The following CADM3 variants were observed in gnomAD, a reference collection of about 807,000 sequenced individuals.
CADM3 encodes cell adhesion molecule 3, also known as TSLC1-like 1.
A neutral mutation model predicts 44.9 loss-of-function variants in CADM3; 11 were observed. That is an observed-to-expected ratio of 0.25 (90% CI 0.15 to 0.41). The LOEUF is 0.41. Among genes scored for constraint, CADM3 ranks in the 10% least tolerant of loss-of-function variants. CADM3 has a pLI of 1.00. For missense variants in CADM3, 426 were observed against 512.0 expected (o/e 0.83, Z 1.62); for synonymous variants, 207 against 205.2 (o/e 1.01, Z -0.08).
intron 1 of CADM3, among the ~76,000 whole-genome samples, chr1:159,174,897 G>C (rs895631809): frequency 1.3e-5 from 2 of 152,212 alleles, no homozygotes; most frequent in Admixed American, 1.3e-4. Flanking sequence ...CCAGCACTCT[G>C]TGACTTGGCC....
intron 1 of CADM3, among the ~76,000 whole-genome samples, chr1:159,172,359 C>A (rs534183378): frequency 6.6e-6 from 1 of 152,072 alleles, no homozygotes; most frequent in Non-Finnish European, 1.5e-5. Flanking sequence ...CATTTCTGCT[C>A]CCCCGCCCGT....
rs754602198 is a variant in CADM3 at position 159,196,920 on chromosome 1, G to A, written c.812G>A (p.Gly271Asp). The A allele has an allele frequency of 1.9e-6, 3 of 1,614,054 alleles. No individual in the cohort carries two copies. The highest frequency in any genetic ancestry group is 1.7e-4 in the Middle Eastern group (1 of 6,060). The change falls in exon 7 of 9, where the codon GGC becomes GAC. Residue 271 changes from glycine to aspartate, a missense_variant. By Grantham distance (94) the Gly-to-Asp change is moderately conservative. Coordinates refer to ENST00000368125, the MANE Select transcript of CADM3 (RefSeq NM_001127173.3). ...VPQQYLWEKE[G>D]SVPPLKMTQE... is the part of the protein sequence containing the mutation. ...CAGCAGTACCTATGGGAGAAGGAGGGCAGTGTGCCACCCCTGAAGATGACC... is the reference window on the plus strand; with the variant it reads ...CAGCAGTACCTATGGGAGAAGGAGGACAGTGTGCCACCCCTGAAGATGACC...
At chr1:159,173,299 G>A (rs1048432782) in intron 1 of CADM3, among the ~76,000 whole-genome samples, 6 of 152,048 alleles carry the variant, frequency 3.9e-5, no homozygotes, top group African/African-American at 1.2e-4. Flanking sequence ...GAAAACAGGC[G>A]AAGAGCCAGG....
At chr1:159,194,829 T>G (rs1034195999) in intron 5 of CADM3, 7 of 152,182 alleles carry the variant, frequency 4.6e-5, no homozygotes, top group Admixed American at 1.3e-4. Context: ...TTAGGACACT[T>G]CTGAGGAAGT....
Position 159,192,015 on chromosome 1 carries a change from G to A in CADM3, c.168G>A (p.Glu56=). 1 of 1,614,134 alleles carries A rather than the reference G, an allele frequency of 6.2e-7. No homozygotes were observed. Among genetic ancestry groups the A allele is most frequent in the Admixed American group, 1.7e-5 (1 of 60,020 alleles). The part of the protein sequence containing the change: ...VVLKCQVKDH[E]DSSLQWSNPA... ...TCAAGTGCCAAGTGAAAGATCACGA[G>A]GACTCATCCCTGCAATGGTCTAACC... Residue 56 remains glutamate, a synonymous_variant, in exon 2 of 9, where the codon GAG becomes GAA. Coordinates refer to ENST00000368125, the MANE Select transcript of CADM3 (RefSeq NM_001127173.3).
intron 1 of CADM3, among the ~76,000 whole-genome samples, chr1:159,178,191 A>AT (rs1649097902): frequency 6.6e-6 from 1 of 152,206 alleles, no homozygotes; most frequent in African/African-American, 2.4e-5. Context: ...TTTTAAAAAT[A>AT]TTTTCAATCT....
chr1:159,193,833 G>T (rs964470111), intron 4 of CADM3, 37 bp from the exon 5 acceptor site: 1 of 1,606,184 alleles, frequency 6.2e-7, no homozygotes, highest in Non-Finnish European at 8.5e-7. Flanking sequence ...GTCTCTCTCT[G>T]TGTGTTTGTG....
Position 159,171,713 on chromosome 1 carries a change from C to A in CADM3, c.-53C>A. 1 of 1,184,154 alleles carries A rather than the reference C, an allele frequency of 8.4e-7. No homozygotes were observed. The highest frequency in any genetic ancestry group is 1.1e-6 in the Non-Finnish European group (1 of 944,352). The allele number at this position is 1,184,154 out of a possible 1,614,324, so 73.4% of individuals were successfully genotyped here. ...GTCCACCCCCTCCCCATCCCCAGCC[C>A]CCGGGGATTCAGGCTCGCCAGCGCC... is the stretch of plus-strand genomic sequence containing the variant. On this transcript the variant is annotated 5_prime_UTR_variant, in exon 1 of 9. Transcript: ENST00000368125.
Position 159,199,868 on chromosome 1 carries a change from G to C in CADM3, c.1070G>C (p.Arg357Pro). The change falls in exon 8 of 9, where the codon CGG becomes CCG. Residue 357 changes from arginine to proline, a missense_variant. By Grantham distance (103) the Arg-to-Pro change is moderately radical. This residue lies in a region of CADM3 where 362 missense variants were observed against 474.6 expected (regional missense o/e 0.76). Transcript: ENST00000368125. ...MLIFLGHYLI[R>P]HKGTYLTHEA... The stretch of plus-strand genomic sequence containing the variant: ...ATCTTCCTTGGCCACTACTTGATCC[G>C]GCACAAAGGTCAGAGGCACAAAGAG... 1 of 1,613,742 alleles carries C rather than the reference G, an allele frequency of 6.2e-7. No individual in the cohort carries two copies. Among genetic ancestry groups the C allele is most frequent in the Non-Finnish European group, 8.5e-7 (1 of 1,179,902 alleles).
intron 1 of CADM3, among the ~76,000 whole-genome samples, chr1:159,175,271 G>A (rs1407805425): frequency 6.6e-6 from 1 of 152,170 alleles, no homozygotes; most frequent in Non-Finnish European, 1.5e-5. Flanking sequence ...TGCATTTTCT[G>A]GCACAGAAAA....
intron 6 of CADM3, 162 bp downstream of exon 6, chr1:159,196,616 C>T (rs1649908678): frequency 1.5e-6 from 1 of 680,486 alleles, no homozygotes. Context: ...TTCTGCAAAG[C>T]AGCACAAATG....
intron 6 of CADM3, 38 bp from the exon 7 acceptor site, chr1:159,196,853 T>C: frequency 3.1e-6 from 5 of 1,597,164 alleles, no homozygotes; most frequent in Admixed American, 1.7e-5. Context: ...CCCTGGCCTA[T>C]GCTCTCCTGA....
rs958360139 is a variant in CADM3, at chr1:159,203,290, G to A, written c.*2368G>A. 6.6e-6 allele frequency: 1 copy of A among 152,198 alleles called. No homozygotes were observed. Among genetic ancestry groups the A allele is most frequent in the Non-Finnish European group, 1.5e-5 (1 of 68,058 alleles). The allele number at this position is 152,198 out of a possible 1,614,324, so 9.4% of individuals were successfully genotyped here. A position where few individuals can be genotyped will look rare whatever the true frequency, so the allele number is the denominator to read the frequency against. On this transcript the variant is annotated 3_prime_UTR_variant, in exon 9 of 9. Coordinates refer to ENST00000368125, the MANE Select transcript of CADM3 (RefSeq NM_001127173.3). Reference sequence around the variant, plus strand: ...CCACTCTCAAGAATATCTATGTACAGCAACAATATAACTCTACAAGGGAGA... The same window carrying A: ...CCACTCTCAAGAATATCTATGTACAACAACAATATAACTCTACAAGGGAGA...
intron 1 of CADM3, among the ~76,000 whole-genome samples, chr1:159,187,700 TC>T (rs1649473164): frequency 6.6e-6 from 1 of 152,144 alleles, no homozygotes. Context: ...CTTCTCCCTG[TC>T]CCTCTGCCGT....
At chr1:159,178,117 T>G (rs1031016982) in intron 1 of CADM3, among the ~76,000 whole-genome samples, 1 of 152,226 alleles carries the variant, frequency 6.6e-6, no homozygotes, top group Non-Finnish European at 1.5e-5. Flanking sequence ...ATAGTTGTTT[T>G]ACTGTATTGT....
intron 7 of CADM3, chr1:159,198,005 C>T (rs1293343445): frequency 6.6e-6 from 1 of 152,256 alleles, no homozygotes; most frequent in African/African-American, 2.4e-5. Flanking sequence ...GCTCCGGTCT[C>T]TGCCCCCAGA....
chr1:159,200,885 A>T lies in CADM3; in HGVS notation c.1160A>T (p.Gln387Leu). ...GCCATCATCAATGCAGAAGGCGGGCAGTCAGGAGGGGACGACAAGAAGGAA... is the reference window on the plus strand; with the variant it reads ...GCCATCATCAATGCAGAAGGCGGGCTGTCAGGAGGGGACGACAAGAAGGAA... ...DTAIINAEGG[Q>L]SGGDDKKEYF... The change falls in exon 9 of 9, where the codon CAG becomes CTG. Residue 387 changes from glutamine to leucine, a missense_variant. Physicochemically the swap from Gln to Leu is moderately radical, Grantham distance 113. Around this residue, in one of 2 missense-constraint regions of CADM3, gnomAD observed 362 missense variants for 474.6 expected, o/e 0.76. Transcript: ENST00000368125. 2.5e-6 allele frequency: 4 copies of T among 1,609,726 alleles called. No homozygotes were observed. Among genetic ancestry groups the T allele is most frequent in the Middle Eastern group, 1.7e-4 (1 of 6,028 alleles).
chr1:159,194,187 G>A (rs918654877), intron 5 of CADM3, 147 bp downstream of exon 5: 10 of 845,080 alleles, frequency 1.2e-5, no homozygotes, highest in Non-Finnish European at 1.8e-5. Context: ...ACTAGGCCAG[G>A]GTTGGCAAAC....
In CADM3 at chr1:159,191,926, A is replaced by G; in HGVS notation, c.89-10A>G. The G allele has an allele frequency of 1.2e-6, 2 of 1,613,552 alleles. No individual in the cohort carries two copies. Among genetic ancestry groups the G allele is most frequent in the East Asian group, 4.5e-5 (2 of 44,862 alleles). On this transcript the variant is annotated splice_polypyrimidine_tract_variant and intron_variant, in intron 1 of 8. Transcript: ENST00000368125. ...GTCCTCAGGAAACTAACACTCTTCT[A>G]CTCCTGCAGACAGCCAGCCCTGGAC...
Sources: gnomAD v4.1 joint callset for allele counts (sites outside exome capture counted in the v4.1 genomes callset) on GRCh38, gnomAD v4.1.1 for gene constraint, gnomAD v4.1.1 regional missense constraint, MANE v1.5 for transcripts, NCBI Gene and HGNC (gene_info 2026-07-23, HGNC 2026-07-21) for gene names.